Variants in SLC9A9 observed in about 807,000 individuals in gnomAD.
The protein encoded by SLC9A9 is sodium/hydrogen exchanger 9.
A neutral mutation model predicts 77.8 loss-of-function variants in SLC9A9; 62 were observed. The observed-to-expected ratio is 0.80, with a 90% CI of 0.65 to 0.98. The LOEUF is 0.98. SLC9A9 is among the 50% of genes least tolerant of loss of function. SLC9A9 has a pLI of 0.00. For synonymous variants in SLC9A9, 320 were observed against 283.5 expected (o/e 1.13, Z -1.29); for missense variants, 775 against 774.9 (o/e 1.00, Z 0.00).
At chr3:143,631,724 G>T (rs1386457611) in intron 6 of SLC9A9, among the ~76,000 whole-genome samples, 1 of 152,148 alleles carries the variant, frequency 6.6e-6, no homozygotes, top group Non-Finnish European at 1.5e-5. Context: ...ATTGTTGTCA[G>T]AGGAGATGTA....
chr3:143,778,555 T>C (rs1261528479), intron 4 of SLC9A9, among the ~76,000 whole-genome samples: 2 of 151,896 alleles, frequency 1.3e-5, no homozygotes, highest in Non-Finnish European at 2.9e-5. Flanking sequence ...CTCATACAAC[T>C]AGAAGGCAAG....
intron 9 of SLC9A9, among the ~76,000 whole-genome samples, chr3:143,537,730 C>T (rs955882043): frequency 1.3e-5 from 2 of 152,118 alleles, no homozygotes; most frequent in Non-Finnish European, 2.9e-5. Context: ...CTTGTGTTCC[C>T]AGGGAAACAA....
intron 2 of SLC9A9, among the ~76,000 whole-genome samples, chr3:143,823,939 G>A (rs2009236434): frequency 6.6e-6 from 1 of 152,210 alleles, no homozygotes; most frequent in Admixed American, 6.5e-5. Flanking sequence ...GCTTTATAAT[G>A]TATAGAGTAT....
At chr3:143,814,354 T>C (rs1174698780) in intron 2 of SLC9A9, among the ~76,000 whole-genome samples, 1 of 151,882 alleles carries the variant, frequency 6.6e-6, no homozygotes, top group Non-Finnish European at 1.5e-5. Context: ...TGAGCATAGA[T>C]GGGGTATCTG....
intron 14 of SLC9A9, chr3:143,342,373 C>T (rs888478496): frequency 7.2e-5 from 11 of 152,140 alleles, no homozygotes; most frequent in Admixed American, 5.2e-4. Context: ...TTAGTAGAGA[C>T]AGGGTTTTGC....
chr3:143,796,016 G>T (rs80231340), intron 3 of SLC9A9, among the ~76,000 whole-genome samples: 232 of 152,262 alleles, frequency 1.5e-3, no homozygotes, highest in African/African-American at 5.4e-3. Context: ...CTGCTCAAGA[G>T]GAAGAAAGCC....
At chr3:143,701,577 G>A (rs898380568) in intron 4 of SLC9A9, among the ~76,000 whole-genome samples, 1 of 152,044 alleles carries the variant, frequency 6.6e-6, no homozygotes, top group Non-Finnish European at 1.5e-5. Context: ...AAGAATTAGT[G>A]AGCTCAAAGA....
intron 6 of SLC9A9, among the ~76,000 whole-genome samples, chr3:143,646,450 G>GAT (rs1278484614): frequency 4.7e-5 from 7 of 148,710 alleles, no homozygotes; most frequent in African/African-American, 1.2e-4. Context: ...TTTCTTATTT[G>GAT]ATAGTTATTA....
intron 14 of SLC9A9, among the ~76,000 whole-genome samples, chr3:143,318,019 G>T (rs998005718): frequency 1.3e-5 from 2 of 152,182 alleles, no homozygotes; most frequent in Non-Finnish European, 2.9e-5. Context: ...GAGCCACCGT[G>T]CCCGGCCTCA....
chr3:143,832,528 C>T (rs926949633), intron 1 of SLC9A9, among the ~76,000 whole-genome samples: 1 of 152,016 alleles, frequency 6.6e-6, no homozygotes, highest in African/African-American at 2.4e-5. Flanking sequence ...TTTAAGAAAA[C>T]CTTTGCTCTG....
At chr3:143,441,189 T>C (rs1003855004) in intron 12 of SLC9A9, among the ~76,000 whole-genome samples, 1 of 152,222 alleles carries the variant, frequency 6.6e-6, no homozygotes, top group Non-Finnish European at 1.5e-5. Flanking sequence ...TGAGTATTCA[T>C]GAGTAAATGG....
At chr3:143,773,848 G>T (rs145562700) in intron 4 of SLC9A9, among the ~76,000 whole-genome samples, 283 of 152,260 alleles carry the variant, frequency 1.9e-3, no homozygotes, top group African/African-American at 6.5e-3. Context: ...TTAACCATTA[G>T]GTCTCATGAG....
intron 4 of SLC9A9, among the ~76,000 whole-genome samples, chr3:143,745,936 AAAAG>A (rs1935188112): frequency 6.6e-6 from 1 of 152,240 alleles, no homozygotes; most frequent in Admixed American, 6.5e-5. Flanking sequence ...AACCTGGATG[AAAAG>A]AAAGAGACAG....
chr3:143,643,412 C>A (rs895990020), intron 6 of SLC9A9, among the ~76,000 whole-genome samples: 3 of 152,204 alleles, frequency 2.0e-5, no homozygotes, highest in African/African-American at 7.2e-5. Flanking sequence ...AAATTGCAGG[C>A]CCTATTCAAA....
intron 12 of SLC9A9, among the ~76,000 whole-genome samples, chr3:143,449,022 A>T (rs1362336921): frequency 6.7e-5 from 1 of 14,870 alleles, no homozygotes; most frequent in South Asian, 2.3e-3. Flanking sequence ...TATAATTATA[A>T]TTATATAATT....
At chr3:143,319,152 T>C (rs2031326275) in intron 14 of SLC9A9, among the ~76,000 whole-genome samples, 1 of 152,134 alleles carries the variant, frequency 6.6e-6, no homozygotes, top group South Asian at 2.1e-4. Context: ...AATCAATAAC[T>C]GGGCGCTAGT....
intron 6 of SLC9A9, among the ~76,000 whole-genome samples, chr3:143,602,164 T>A (rs1264428590): frequency 6.6e-6 from 1 of 152,228 alleles, no homozygotes; most frequent in Non-Finnish European, 1.5e-5. Context: ...TCATTTATTG[T>A]CTCAAATCAG....
chr3:143,735,821 G>C (rs1432226737), intron 4 of SLC9A9, among the ~76,000 whole-genome samples: 1 of 152,160 alleles, frequency 6.6e-6, no homozygotes, highest in Non-Finnish European at 1.5e-5. Flanking sequence ...ATGAGTTCAA[G>C]TCCTTGCTCT....
At chr3:143,768,876 AGATGTTTTATATT>A (rs1442400918) in intron 4 of SLC9A9, among the ~76,000 whole-genome samples, 2 of 152,200 alleles carry the variant, frequency 1.3e-5, no homozygotes, top group Non-Finnish European at 2.9e-5. Flanking sequence ...CACTTTGACA[AGATGTTTTATATT>A]GACATATGAA....
Sources: gnomAD v4.1 joint callset for allele counts (sites outside exome capture counted in the v4.1 genomes callset) on GRCh38, gnomAD v4.1.1 for gene constraint, MANE v1.5 for transcripts, NCBI Gene and HGNC (gene_info 2026-07-23, HGNC 2026-07-21) for gene names.